Variants in LARP1B observed in about 807,000 individuals in gnomAD.
The protein encoded by LARP1B is La ribonucleoprotein 1B.
In LARP1B, 76 loss-of-function variants were observed where a neutral mutation model predicts 114.2. The ratio of observed to expected loss-of-function variants is 0.67; its 90% CI spans 0.55 to 0.81. The LOEUF (loss-of-function observed/expected upper bound fraction) is 0.81, where lower values mean the gene tolerates loss of function less well. Among genes scored for constraint, LARP1B ranks in the 30% least tolerant of loss-of-function variants. The probability of loss-of-function intolerance (pLI) is 0.00; values close to 1 mark genes in which losing one functional copy is unlikely to be tolerated. For synonymous variants in LARP1B, 345 were observed against 348.0 expected (o/e 0.99, Z 0.10); for missense variants, 1,014 against 1,075.8 (o/e 0.94, Z 0.80).
chr4:128,070,251 C>T (rs930590446), intron 1 of LARP1B, among the ~76,000 whole-genome samples: 4 of 151,412 alleles, frequency 2.6e-5, no homozygotes, highest in African/African-American at 4.9e-5. Context: ...AGCCGGGAGG[C>T]GGAGCTTGCA....
chr4:128,149,403 T>C (rs1040403573), intron 11 of LARP1B, among the ~76,000 whole-genome samples: 2 of 144,304 alleles, frequency 1.4e-5, no homozygotes, highest in African/African-American at 2.7e-5. Context: ...TAGATCAGAA[T>C]AGGGGAGGAC....
intron 11 of LARP1B, among the ~76,000 whole-genome samples, chr4:128,127,409 A>G (rs1051192639): frequency 6.6e-6 from 1 of 152,242 alleles, no homozygotes; most frequent in Admixed American, 6.5e-5. Flanking sequence ...TCATATCTGG[A>G]CAAAGGGTAC....
intron 8 of LARP1B, among the ~76,000 whole-genome samples, chr4:128,103,561 C>CTTT (rs1049704607): frequency 1.9e-4 from 25 of 131,868 alleles, no homozygotes; most frequent in East Asian, 4.3e-4. Context: ...GCCCCTTCCT[C>CTTT]TTTTTTTTTT....
rs188014190 is a variant in LARP1B at position 128,191,633 on chromosome 4, A to G, written c.2004-7806A>G. Among the ~76,000 whole-genome samples, 459 of 152,244 alleles carry G rather than the reference A, an allele frequency of 3.0e-3. 5 individuals are homozygous for G. The highest frequency in any genetic ancestry group is 0.011 in the African/African-American group (441 of 41,532). The stretch of plus-strand genomic sequence containing the variant: ...AAAACTCATGGATCATACCTCCTAC[A>G]GTGTGGTCCTGCTGAACAGCCACTC... On this transcript the variant is annotated intron_variant, in intron 15 of 19. Transcript: ENST00000326639.
chr4:128,159,501 A>G (rs1043888780), intron 11 of LARP1B, among the ~76,000 whole-genome samples: 1 of 152,128 alleles, frequency 6.6e-6, no homozygotes. Context: ...GCAATTTTAG[A>G]TTCATAGCAA....
rs768324597 is a variant in LARP1B, at chr4:128,210,032, G to A, written c.2724G>A (p.Glu908=). The A allele has an allele frequency of 5.0e-6, 8 of 1,613,860 alleles. No individual in the cohort carries two copies. The highest frequency in any genetic ancestry group is 6.8e-6 in the Non-Finnish European group (8 of 1,179,898). Residue 908 remains glutamate (E), a synonymous_variant, in exon 20 of 20, where the codon GAG becomes GAA. Coordinates refer to ENST00000326639, the MANE Select transcript of LARP1B (RefSeq NM_018078.4). ...CTCCCAGAAGGAATATTTCACCGGAGTCCAGTGACAATTCACATTAAACAG... is the reference window on the plus strand; with the variant it reads ...CTCCCAGAAGGAATATTTCACCGGAATCCAGTGACAATTCACATTAAACAG... ...INSPRRNISP[E]SSDNSH
chr4:128,115,830 T>C (rs967297107), intron 10 of LARP1B, among the ~76,000 whole-genome samples: 1 of 152,156 alleles, frequency 6.6e-6, no homozygotes, highest in African/African-American at 2.4e-5. Context: ...TATTTTTTTG[T>C]GTGTTTCTGG....
Position 128,206,445 on chromosome 4 carries a change from T to G in LARP1B, c.2327T>G (p.Leu776Arg). Residue 776 changes from leucine (L) to arginine (R), a missense_variant, in exon 18 of 20, where the codon CTG (leucine) becomes CGG (arginine). Physicochemically the swap from Leu to Arg is moderately radical, Grantham distance 102. Transcript: ENST00000326639. ...CTTTATAGGTATGGGTTAGAATGTC[T>G]GTTCAGGTTTTATAGTTATGGACTG... The part of the protein sequence containing the change: ...KENYRYGLEC[L>R]FRFYSYGLEK... 3.1e-6 allele frequency: 5 copies of G among 1,605,736 alleles called. No homozygotes were observed. The highest frequency in any genetic ancestry group is 4.3e-6 in the Non-Finnish European group (5 of 1,176,266).
In LARP1B at chr4:128,211,889, T is replaced by C; in HGVS notation, c.*1836T>C. On this transcript the variant is annotated 3_prime_UTR_variant, in exon 20 of 20. Transcript: ENST00000326639. Reference sequence around the variant, plus strand: ...TGGTTTGTATTAATTAGTAGTTTTATCATATTTTTATTATAAAAGTAATAC... The same window carrying C: ...TGGTTTGTATTAATTAGTAGTTTTACCATATTTTTATTATAAAAGTAATAC... 2.5e-6 allele frequency: 1 copy of C among 394,444 alleles called. No homozygotes were observed. The highest frequency in any genetic ancestry group is 3.4e-6 in the Non-Finnish European group (1 of 289,986). The allele number at this position is 394,444 out of a possible 1,614,324, so 24.4% of individuals were successfully genotyped here. A position where few individuals can be genotyped will look rare whatever the true frequency, so the allele number is the denominator to read the frequency against.
chr4:128,209,376 G>T (rs1758472837), intron 19 of LARP1B, among the ~76,000 whole-genome samples: 1 of 152,096 alleles, frequency 6.6e-6, no homozygotes, highest in African/African-American at 2.4e-5. Context: ...AGCCGATGTG[G>T]CACCACTGCA....
At chr4:128,097,048 G>A (rs555825683) in intron 7 of LARP1B, among the ~76,000 whole-genome samples, 33 of 152,138 alleles carry the variant, frequency 2.2e-4, no homozygotes, top group Admixed American at 1.7e-3. Context: ...ACAGGCACCC[G>A]CCACCATGCC....
intron 11 of LARP1B, among the ~76,000 whole-genome samples, chr4:128,127,012 A>G (rs1789885895): frequency 1.3e-5 from 2 of 152,208 alleles, no homozygotes; most frequent in Non-Finnish European, 2.9e-5. Context: ...GATTACTTTC[A>G]AGAAAGAAGA....
chr4:128,196,723 A>G (rs1244123448), intron 15 of LARP1B, among the ~76,000 whole-genome samples: 1 of 152,074 alleles, frequency 6.6e-6, no homozygotes, highest in African/African-American at 2.4e-5. Flanking sequence ...AGTATTGAAA[A>G]CACATATTGT....
intron 11 of LARP1B, among the ~76,000 whole-genome samples, chr4:128,129,897 A>G (rs1421645978): frequency 6.6e-6 from 1 of 152,286 alleles, no homozygotes; most frequent in Non-Finnish European, 1.5e-5. Flanking sequence ...GTAAAAGACA[A>G]AACCATAAAC....
rs773635049 is a variant in LARP1B, at chr4:128,140,824, G to GT, written c.1524+18647dup. ...AAGTCAAGGTAGGTTAATTGTCTCT[G>GT]TTTTTTTTTTTGGCAGAGTCTTGCT... On this transcript the variant is annotated intron_variant, in intron 11 of 19. Coordinates refer to ENST00000326639, the MANE Select transcript of LARP1B (RefSeq NM_018078.4). Among the ~76,000 whole-genome samples the GT allele has an allele frequency of 2.8e-3, 384 of 138,562 alleles. 3 individuals carry two copies. The highest frequency in any genetic ancestry group is 7.5e-3 in the African/African-American group (287 of 38,396). 90.9% of individuals were successfully genotyped at this position (138,562 alleles called of 152,430 possible).
chr4:128,093,302 T>C lies in LARP1B; in HGVS notation c.668+1790T>C, dbSNP rs984427356. Among the ~76,000 whole-genome samples, 3 of 152,128 alleles carry C rather than the reference T, an allele frequency of 2.0e-5. 1 individual carries two copies. The highest frequency in any genetic ancestry group is 6.3e-3 in the Middle Eastern group (2 of 316). The stretch of plus-strand genomic sequence containing the variant: ...TTTGATTTTCTTTTTGAGAAGTCAC[T>C]AAAAGTTTTCCTGGCCAGGTGCGGT... On this transcript the variant is annotated intron_variant, in intron 7 of 19. Transcript: ENST00000326639.
chr4:128,160,138 T>C (rs1737762342), intron 11 of LARP1B, among the ~76,000 whole-genome samples: 1 of 152,220 alleles, frequency 6.6e-6, no homozygotes, highest in Non-Finnish European at 1.5e-5. Context: ...TCATAGGCAA[T>C]ATGTAAACAA....
chr4:128,206,004 A>C (rs567592442), intron 17 of LARP1B, among the ~76,000 whole-genome samples: 1 of 152,138 alleles, frequency 6.6e-6, no homozygotes, highest in African/African-American at 2.4e-5. Context: ...AAAAATCTGC[A>C]TACCGGCCGG....
At chr4:128,108,353 G>A (rs1452896273) in intron 9 of LARP1B, 2 of 992,246 alleles carry the variant, frequency 2.0e-6, no homozygotes, top group Non-Finnish European at 2.4e-6. Context: ...TTTCAGTGTA[G>A]TGTACATTGT....
Sources: gnomAD v4.1 joint callset for allele counts (sites outside exome capture counted in the v4.1 genomes callset) on GRCh38, gnomAD v4.1.1 for gene constraint, MANE v1.5 for transcripts, NCBI Gene and HGNC (gene_info 2026-07-23, HGNC 2026-07-21) for gene names.